The following TUSC3 variants were observed in gnomAD, a reference collection of about 807,000 sequenced individuals.
TUSC3 encodes the protein dolichyl-diphosphooligosaccharide--protein glycosyltransferase subunit TUSC3.
A neutral mutation model predicts 44.8 loss-of-function variants in TUSC3; 45 were observed. The observed-to-expected ratio is 1.00, with a 90% CI of 0.79 to 1.29. The LOEUF (loss-of-function observed/expected upper bound fraction) is 1.29. TUSC3 is among the 50% of genes most tolerant of loss of function. The pLI, the probability that TUSC3 is intolerant of heterozygous loss-of-function variation, is 0.00. For missense variants in TUSC3, 519 were observed against 437.9 expected (o/e 1.19, Z -1.65); for synonymous variants, 212 against 152.9 (o/e 1.39, Z -2.85).
chr8:15,474,993 C>CT (rs200881958), intron 1 of TUSC3, among the ~76,000 whole-genome samples: 1,703 of 151,956 alleles, frequency 0.011, 38 homozygotes, highest in African/African-American at 0.039. Flanking sequence ...GATTCATTTC[C>CT]TTTTTTTTGA....
intron 2 of TUSC3, among the ~76,000 whole-genome samples, chr8:15,635,257 A>G (rs1437509488): frequency 6.6e-6 from 1 of 152,190 alleles, no homozygotes; most frequent in Non-Finnish European, 1.5e-5. Context: ...AGAAGAGATG[A>G]ACTCTTTCTT....
At chr8:15,808,664 G>C in the TUSC3 span, among the ~76,000 whole-genome samples, 1 of 152,134 alleles carries the variant, frequency 6.6e-6, no homozygotes, top group Non-Finnish European at 1.5e-5. Flanking sequence ...CCAGGAGTAA[G>C]AGTGCCAGAC....
At chr8:15,741,128 G>A (rs901052421) in intron 7 of TUSC3, among the ~76,000 whole-genome samples, 2 of 101,238 alleles carry the variant, frequency 2.0e-5, no homozygotes, top group Non-Finnish European at 4.2e-5. Flanking sequence ...TCATGGCTTT[G>A]TGTGTGTATA....
At chr8:15,534,636 C>T (rs866645687) in intron 2 of TUSC3, among the ~76,000 whole-genome samples, 21 of 108,694 alleles carry the variant, frequency 1.9e-4, no homozygotes, top group Middle Eastern at 4.6e-3. Context: ...GAGCGAGACT[C>T]GGTCTTTAAA....
At chr8:15,778,906 C>G in the TUSC3 span, among the ~76,000 whole-genome samples, 1 of 152,056 alleles carries the variant, frequency 6.6e-6, no homozygotes, top group Non-Finnish European at 1.5e-5. Flanking sequence ...AGTTTTCTGT[C>G]CTTCTGAGTT....
At chr8:15,707,992 C>T (rs980684570) in intron 6 of TUSC3, among the ~76,000 whole-genome samples, 1 of 151,890 alleles carries the variant, frequency 6.6e-6, no homozygotes, top group African/African-American at 2.4e-5. Flanking sequence ...ATCTTCACAT[C>T]CCCTTCTTCT....
At chr8:15,540,631 C>T (rs1243518620) in intron 1 of TUSC3, 63 bp downstream of exon 1, 4 of 1,473,392 alleles carry the variant, frequency 2.7e-6, no homozygotes, top group Non-Finnish European at 3.6e-6. Context: ...GCCGCGTTGC[C>T]AGGCAGCCCT....
At chr8:15,726,690 C>G (rs1023835916) in intron 6 of TUSC3, among the ~76,000 whole-genome samples, 1 of 152,074 alleles carries the variant, frequency 6.6e-6, no homozygotes, top group Non-Finnish European at 1.5e-5. Context: ...CCTGTAATCC[C>G]AGCTACTCTC....
At chr8:15,544,777 C>T (rs1431922116) in intron 1 of TUSC3, among the ~76,000 whole-genome samples, 1 of 151,646 alleles carries the variant, frequency 6.6e-6, no homozygotes, top group Non-Finnish European at 1.5e-5. Context: ...GGTAGTTATG[C>T]ATTGATATGT....
the TUSC3 span, among the ~76,000 whole-genome samples, chr8:15,777,344 A>G: frequency 2.0e-5 from 3 of 152,266 alleles, no homozygotes; most frequent in East Asian, 5.8e-4. Flanking sequence ...GTGCCTCAGC[A>G]ACTTTCCTGA....
intron 1 of TUSC3, among the ~76,000 whole-genome samples, chr8:15,439,056 T>C (rs1379023834): frequency 6.6e-6 from 1 of 152,202 alleles, no homozygotes; most frequent in Non-Finnish European, 1.5e-5. Flanking sequence ...GAGAGGGCTA[T>C]TTGACGGCAC....
At chr8:15,777,198 A>G in the TUSC3 span, among the ~76,000 whole-genome samples, 2 of 152,150 alleles carry the variant, frequency 1.3e-5, no homozygotes, top group East Asian at 1.9e-4. Context: ...CCAACTTCCA[A>G]TCATATCAAG....
the TUSC3 span, among the ~76,000 whole-genome samples, chr8:15,832,100 C>G: frequency 1.3e-5 from 2 of 152,116 alleles, no homozygotes; most frequent in East Asian, 3.9e-4. Context: ...GATTGCTCAG[C>G]AGAAAACCCA....
intron 1 of TUSC3, among the ~76,000 whole-genome samples, chr8:15,473,635 G>A (rs571227841): frequency 5.9e-5 from 9 of 152,104 alleles, no homozygotes; most frequent in Admixed American, 5.9e-4. Flanking sequence ...ATCATATATC[G>A]GCAGGACCGT....
At chr8:15,521,838 C>A (rs974175633) in intron 2 of TUSC3, among the ~76,000 whole-genome samples, 1 of 152,204 alleles carries the variant, frequency 6.6e-6, no homozygotes, top group African/African-American at 2.4e-5. Flanking sequence ...GACCCAAGGC[C>A]TTAACTGCTC....
At chr8:15,743,975 T>C (rs1343102554) in intron 8 of TUSC3, among the ~76,000 whole-genome samples, 1 of 152,150 alleles carries the variant, frequency 6.6e-6, no homozygotes, top group African/African-American at 2.4e-5. Flanking sequence ...ATGTAACATA[T>C]TCCCTCTGCT....
the TUSC3 span, among the ~76,000 whole-genome samples, chr8:15,841,947 T>C: frequency 6.6e-6 from 1 of 152,228 alleles, no homozygotes; most frequent in Non-Finnish European, 1.5e-5. Context: ...GTTCTAAGTA[T>C]TTCCCTGATG....
rs368114592 is a variant in TUSC3, at chr8:15,633,007, A to C, written c.308+9758A>C. Among the ~76,000 whole-genome samples the C allele has an allele frequency of 2.6e-5, 4 of 152,216 alleles. No homozygotes were observed. The East Asian group carries it at 7.7e-4, about 29-fold the overall frequency. The stretch of plus-strand genomic sequence containing the variant: ...AGGAAATGATATTTAGAAAGCAAAA[A>C]CTTAGCTAGGTGTACGCTTTACTGC... On this transcript the variant is annotated intron_variant, in intron 2 of 10. Coordinates refer to ENST00000503731, the MANE Select transcript of TUSC3 (RefSeq NM_006765.4).
At chr8:15,549,722 G>T (rs569779984) in intron 1 of TUSC3, among the ~76,000 whole-genome samples, 1 of 151,474 alleles carries the variant, frequency 6.6e-6, no homozygotes, top group Non-Finnish European at 1.5e-5. Flanking sequence ...AGTTTTTCTC[G>T]TACTCATAAT....
Sources: gnomAD v4.1 joint callset for allele counts (sites outside exome capture counted in the v4.1 genomes callset) on GRCh38, gnomAD v4.1.1 for gene constraint, MANE v1.5 for transcripts, NCBI Gene and HGNC (gene_info 2026-07-23, HGNC 2026-07-21) for gene names.